RARS1: variants seen among roughly 807,000 people sequenced by gnomAD.
RARS1 encodes arginine--tRNA ligase, cytoplasmic.
In RARS1, 75 loss-of-function variants were observed where a neutral mutation model predicts 78.7. The ratio of observed to expected loss-of-function variants is 0.95; its 90% CI spans 0.79 to 1.15. RARS1 has a LOEUF of 1.15. Ranked by LOEUF, RARS1 falls within the 50% of genes most tolerant of loss-of-function variation. RARS1 has a pLI of 0.00. For synonymous variants in RARS1, 273 were observed against 268.2 expected, an observed-to-expected ratio of 1.02 and a Z score of -0.18; for missense variants, 787 against 787.5, an observed-to-expected ratio of 1.00 and a Z score of 0.01.
chr5:168,495,743 G>A (rs1459874215), intron 6 of RARS1, among the ~76,000 whole-genome samples: 2 of 152,198 alleles, frequency 1.3e-5, no homozygotes, highest in African/African-American at 4.8e-5. Context: ...GAGAGAAGTA[G>A]TAAAGAAACA....
At chr5:168,507,929 C>T (rs920483320) in intron 11 of RARS1, among the ~76,000 whole-genome samples, 7 of 151,512 alleles carry the variant, frequency 4.6e-5, no homozygotes, top group African/African-American at 9.7e-5. Flanking sequence ...CCTGTAATCC[C>T]AGCTAAGGAT....
chr5:168,510,400 A>T (rs1466708844), intron 11 of RARS1, among the ~76,000 whole-genome samples, 181 bp from the exon 12 acceptor site: 1 of 152,194 alleles, frequency 6.6e-6, no homozygotes, highest in Non-Finnish European at 1.5e-5. Flanking sequence ...GATGACTGGC[A>T]TAAGGCATTG....
intron 7 of RARS1, among the ~76,000 whole-genome samples, chr5:168,499,941 A>C: frequency 6.6e-6 from 1 of 152,160 alleles, no homozygotes; most frequent in East Asian, 1.9e-4. Context: ...TAATCCCAGC[A>C]CTTTGGGAGG....
At chr5:168,516,703 G>A in intron 12 of RARS1, 75 bp from the exon 13 acceptor site, 1 of 1,450,486 alleles carries the variant, frequency 6.9e-7, no homozygotes, top group Non-Finnish European at 9.6e-7. Flanking sequence ...CCCTACCCCA[G>A]TCTTATGCCT....
rs749574435 is a variant in RARS1 at position 168,500,718 on chromosome 5, A to C, written c.950A>C (p.Gln317Pro). ...AAGCTTATCTGTGATGTCTCCCGCC[A>C]AGGTGAGTTTCTGGGCTTTGTTCCT... is the stretch of plus-strand genomic sequence containing the variant. ...AWKLICDVSR[Q>P]ELNKIYDALD... Residue 317 changes from glutamine to proline, a missense_variant and splice_region_variant, in exon 8 of 15, where the codon CAA (glutamine) becomes CCA (proline). By Grantham distance (76) the Gln-to-Pro change is moderately conservative. Transcript: ENST00000231572. The C allele has an allele frequency of 3.7e-5, 60 of 1,609,826 alleles. No homozygotes were observed. The highest frequency in any genetic ancestry group is 4.8e-5 in the Non-Finnish European group (57 of 1,178,850).
chr5:168,512,621 G>C (rs1339005922), intron 12 of RARS1, among the ~76,000 whole-genome samples: 1 of 152,212 alleles, frequency 6.6e-6, no homozygotes, highest in East Asian at 1.9e-4. Context: ...GAGCCAGTCT[G>C]AGTCCCAAAA....
At position 168,486,490 on chromosome 5, in the gene RARS1, G is replaced by A; in HGVS notation, c.-9G>A. 6.4e-7 allele frequency: 1 copy of A among 1,557,388 alleles called. No individual in the cohort carries two copies. Among genetic ancestry groups the A allele is most frequent in the Non-Finnish European group, 8.7e-7 (1 of 1,149,620 alleles). ...CCGTCCACTTGGCGAGTGAGACGCT[G>A]ATGGGAGGATGGACGTACTGGTGTC... On this transcript the variant is annotated 5_prime_UTR_variant, in exon 1 of 15. Transcript: ENST00000231572.
intron 12 of RARS1, among the ~76,000 whole-genome samples, chr5:168,512,380 T>C (rs1421955755): frequency 1.3e-5 from 2 of 152,184 alleles, no homozygotes; most frequent in African/African-American, 4.8e-5. Context: ...TGACTTACGC[T>C]TAACTTTATT....
At chr5:168,517,696 A>G (rs1758699350) in intron 13 of RARS1, 119 bp from the exon 14 acceptor site, 8 of 1,380,154 alleles carry the variant, frequency 5.8e-6, no homozygotes, top group African/African-American at 1.5e-5. Context: ...ATCGTATAAT[A>G]AAATACTTCA....
chr5:168,517,395 G>A (rs552452173), intron 13 of RARS1, among the ~76,000 whole-genome samples: 2 of 152,040 alleles, frequency 1.3e-5, no homozygotes, highest in Non-Finnish European at 2.9e-5. Context: ...CACCCGCCTC[G>A]GCCTCCCAAA....
At chr5:168,489,676 C>T (rs1482229681) in intron 2 of RARS1, among the ~76,000 whole-genome samples, 3 of 152,108 alleles carry the variant, frequency 2.0e-5, no homozygotes, top group African/African-American at 7.2e-5. Context: ...ACCTCATTCC[C>T]ATAATTATTC....
chr5:168,505,358 G>A (rs1310007872), intron 9 of RARS1, among the ~76,000 whole-genome samples: 2 of 152,148 alleles, frequency 1.3e-5, no homozygotes, highest in Non-Finnish European at 2.9e-5. Flanking sequence ...TATCATGAGT[G>A]TATGAACATG....
At chr5:168,507,811 T>C (rs1244732270) in intron 11 of RARS1, among the ~76,000 whole-genome samples, 1 of 149,978 alleles carries the variant, frequency 6.7e-6, no homozygotes, top group Non-Finnish European at 1.5e-5. Flanking sequence ...AAGCCAATGC[T>C]GGAGGATTGT....
chr5:168,496,378 CAAAA>C (rs35365870), intron 6 of RARS1, among the ~76,000 whole-genome samples: 1 of 116,024 alleles, frequency 8.6e-6, no homozygotes. Context: ...GACTCTCTGT[CAAAA>C]AAAAAAAAAA....
intron 11 of RARS1, 61 bp downstream of exon 11, chr5:168,506,892 T>A: frequency 1.6e-6 from 2 of 1,284,550 alleles, no homozygotes; most frequent in Non-Finnish European, 2.3e-6. Context: ...CTACTTTTCA[T>A]TTGATACCAT....
intron 12 of RARS1, among the ~76,000 whole-genome samples, chr5:168,515,744 T>A (rs1417213673): frequency 6.6e-6 from 1 of 152,248 alleles, no homozygotes; most frequent in South Asian, 2.1e-4. Context: ...TGTGTGCTAA[T>A]GCCCTTCCAT....
At chr5:168,500,832 AAT>A in intron 8 of RARS1, 112 bp downstream of exon 8, 1 of 1,299,684 alleles carries the variant, frequency 7.7e-7, no homozygotes, top group Non-Finnish European at 1.0e-6. Context: ...AGGACAGGCA[AAT>A]AGATTTTTTC....
rs183438628 is a variant in RARS1 at position 168,511,145 on chromosome 5, A to G, written c.1452+459A>G. On this transcript the variant is annotated intron_variant, in intron 12 of 14. Transcript: ENST00000231572. ...TTTCATGGCACCCTTAGAAAAGACT[A>G]TGGTTCAGTTTGTGTGGAATTTGGA... Among the ~76,000 whole-genome samples the G allele has an allele frequency of 4.8e-4, 73 of 152,052 alleles. No homozygotes were observed. The East Asian group carries it at 7.0e-3, about 14-fold the overall frequency.
intron 1 of RARS1, chr5:168,488,042 A>G (rs1758004092): frequency 5.3e-6 from 1 of 189,792 alleles, no homozygotes; most frequent in African/African-American, 2.4e-5. Context: ...AGAACTAGGG[A>G]TATGAGACAT....
Sources: gnomAD v4.1 joint callset for allele counts (sites outside exome capture counted in the v4.1 genomes callset) on GRCh38, gnomAD v4.1.1 for gene constraint, MANE v1.5 for transcripts, NCBI Gene and HGNC (gene_info 2026-07-23, HGNC 2026-07-21) for gene names.